The following TIE1 variants were observed in gnomAD, a reference collection of about 807,000 sequenced individuals.
TIE1 encodes the protein tyrosine-protein kinase receptor Tie-1.
In TIE1, 89 loss-of-function variants were observed where a neutral mutation model predicts 130.5. That is an observed-to-expected ratio of 0.68 (90% CI 0.57 to 0.81). TIE1 has a LOEUF of 0.81. TIE1 is among the 40% of genes least tolerant of loss of function. The probability of loss-of-function intolerance (pLI) is 0.00; values close to 1 mark genes in which losing one functional copy is unlikely to be tolerated. For synonymous variants in TIE1, 568 were observed against 629.4 expected (o/e 0.90, Z 1.46); for missense variants, 1,392 against 1,559.8 (o/e 0.89, Z 1.81).
rs1370550075 is a variant in TIE1 at position 43,307,187 on chromosome 1, C to T, written c.686C>T (p.Pro229Leu). The change falls in exon 5 of 23, where the codon CCA becomes CTA. Residue 229 changes from proline to leucine, a missense_variant. By Grantham distance (98) the Pro-to-Leu change is moderately conservative (BLOSUM62 -3). Coordinates refer to ENST00000372476, the MANE Select transcript of TIE1 (RefSeq NM_005424.5). The surrounding 1 kb of genome is among the most constrained non-coding windows in gnomAD (Gnocchi z 5.4). ...RWGPGCTKEC[P>L]GCLHGGVCHD... ...GGGCCAGGCTGTACCAAGGAGTGCC[C>T]AGGTTGCCTACATGGAGGTGTCTGC... 4 of 1,613,982 alleles carry T rather than the reference C, an allele frequency of 2.5e-6. No individual in the cohort carries two copies. Among genetic ancestry groups the T allele is most frequent in the Non-Finnish European group, 3.4e-6 (4 of 1,180,000 alleles).
chr1:43,314,607 C>T (rs1258310750), intron 14 of TIE1: 2 of 948,954 alleles, frequency 2.1e-6, no homozygotes, highest in African/African-American at 3.6e-5. Context: ...GCGGGTGGAT[C>T]GCCTGAGGTC....
Position 43,321,642 on chromosome 1 carries a change from G to A in TIE1, c.3272G>A (p.Arg1091Gln), listed in dbSNP as rs917348935. Reference sequence around the variant, plus strand: ...TACGAGCTGATGCGTCAGTGCTGGCGGGACCGTCCCTATGAGCGACCCCCC... The same window carrying A: ...TACGAGCTGATGCGTCAGTGCTGGCAGGACCGTCCCTATGAGCGACCCCCC... ...EVYELMRQCW[R>Q]DRPYERPPFA... Residue 1091 changes from arginine (R) to glutamine (Q), a missense_variant, in exon 22 of 23, where the codon CGG becomes CAG. Arg to Gln is a conservative substitution (Grantham distance 43). This residue lies in a region of TIE1 where 104 missense variants were observed against 129.3 expected (regional missense o/e 0.80). Coordinates refer to ENST00000372476, the MANE Select transcript of TIE1 (RefSeq NM_005424.5). 5 of 1,553,622 alleles carry A rather than the reference G, an allele frequency of 3.2e-6. No homozygotes were observed. The highest frequency in any genetic ancestry group is 1.2e-5 in the South Asian group (1 of 84,266).
chr1:43,321,332 C>G (rs1167262395), intron 20 of TIE1, 23 bp downstream of exon 20: 1 of 1,614,088 alleles, frequency 6.2e-7, no homozygotes, highest in Non-Finnish European at 8.5e-7. Context: ...TCCCCGTCCC[C>G]CAGAGTGCCC....
rs1646744598 is a variant in TIE1 at position 43,307,684 on chromosome 1, C to T, written c.913+112C>T. On this transcript the variant is annotated intron_variant, in intron 6 of 22. Transcript: ENST00000372476. This position sits in a 1 kb window ranked among gnomAD's most constrained non-coding sequence, Gnocchi z 5.4. The stretch of plus-strand genomic sequence containing the variant: ...CAGCAAGCCCTCCTGCTCACTTGAC[C>T]AGTCCTTCTATCCTCAGCCTGTTGT... The T allele has an allele frequency of 3.8e-6, 6 of 1,599,546 alleles. No homozygotes were observed. Among genetic ancestry groups the T allele is most frequent in the Non-Finnish European group, 5.1e-6 (6 of 1,170,410 alleles).
chr1:43,315,237 C>T lies in TIE1; in HGVS notation c.2409+1269C>T, dbSNP rs1646847961. 1 of 152,238 alleles carries T rather than the reference C, an allele frequency of 6.6e-6. No homozygotes were observed. Among genetic ancestry groups the T allele is most frequent in the Non-Finnish European group, 1.5e-5 (1 of 68,050 alleles). The allele number at this position is 152,238 out of a possible 1,614,324, so 9.4% of individuals were successfully genotyped here. On this transcript the variant is annotated intron_variant, in intron 14 of 22. Coordinates refer to ENST00000372476, the MANE Select transcript of TIE1 (RefSeq NM_005424.5). This position sits in a 1 kb window ranked among gnomAD's most constrained non-coding sequence, Gnocchi z 4.4. ...CTGTCCTTGGCCTTCCAGGCCTGGACTCTTGATATTTAGAGCTAAGCTTTG... is the reference window on the plus strand; with the variant it reads ...CTGTCCTTGGCCTTCCAGGCCTGGATTCTTGATATTTAGAGCTAAGCTTTG...
chr1:43,305,157 G>A lies in TIE1; in HGVS notation c.365G>A (p.Ser122Asn). Residue 122 changes from serine to asparagine, a missense_variant, in exon 2 of 23, where the codon AGC (serine) becomes AAC (asparagine). Physicochemically the swap from Ser to Asn is conservative, Grantham distance 46. Transcript: ENST00000372476. ...RRTRVIYVHNSPGAHLLPDKV... is the reference protein window; with the variant it reads ...RRTRVIYVHNNPGAHLLPDKV... The stretch of plus-strand genomic sequence containing the variant: ...ACGCGCGTCATCTACGTGCACAACA[G>A]CCCTGGAGGTGAGTTAGGCAGGCGG... 1 of 1,614,052 alleles carries A rather than the reference G, an allele frequency of 6.2e-7. No individual in the cohort carries two copies. The highest frequency in any genetic ancestry group is 8.5e-7 in the Non-Finnish European group (1 of 1,179,956).
In TIE1 at chr1:43,315,787, G is replaced by A. The variant is rs895514617; in HGVS notation, c.2410-1412G>A. Among the ~76,000 whole-genome samples, 8 of 152,164 alleles carry A rather than the reference G, an allele frequency of 5.3e-5. No individual in the cohort carries two copies. The highest frequency in any genetic ancestry group is 1.4e-4 in the African/African-American group (6 of 41,430). ...GGGGAGGGTAATGGGTACAGATGTC[G>A]AGGGCAGGAGGTGGGAAAGCAGTCC... On this transcript the variant is annotated intron_variant, in intron 14 of 22. Coordinates refer to ENST00000372476, the MANE Select transcript of TIE1 (RefSeq NM_005424.5). The surrounding 1 kb of genome is among the most constrained non-coding windows in gnomAD (Gnocchi z 4.4).
Position 43,305,006 on chromosome 1 carries a change from ACCCCG to A in TIE1, c.218_222del (p.Pro73ArgfsTer66). On this transcript the variant is annotated frameshift_variant, in exon 2 of 23. Transcript: ENST00000372476. LOFTEE classifies it high-confidence loss of function. ...GGAGAAGGACGACCGTATCGTGCGCACCCCGCCCGGGCCACCCCTGCGCCTGGCGC... is the reference window on the plus strand; with the variant it reads ...GGAGAAGGACGACCGTATCGTGCGCACCCGGGCCACCCCTGCGCCTGGCGC... 1 of 1,540,126 alleles carries A rather than the reference ACCCCG, an allele frequency of 6.5e-7. No homozygotes were observed. The highest frequency in any genetic ancestry group is 8.8e-7 in the Non-Finnish European group (1 of 1,142,560).
Position 43,319,648 on chromosome 1 carries a change from G to GCCTGT in TIE1, c.3107+119_3107+120insCCTGT. ...AAGGCATGACCTGGGCTGTGTTCCAGGTGTGACACAGGTGTGTCTTGGGTA... is the reference window on the plus strand; with the variant it reads ...AAGGCATGACCTGGGCTGTGTTCCAGCCTGTGTGTGACACAGGTGTGTCTTGGGTA... On this transcript the variant is annotated intron_variant, in intron 19 of 22. Transcript: ENST00000372476. This position sits in a 1 kb window ranked among gnomAD's most constrained non-coding sequence, Gnocchi z 4.7. 9.6e-7 allele frequency: 1 copy of GCCTGT among 1,046,300 alleles called. No homozygotes were observed. Among genetic ancestry groups the GCCTGT allele is most frequent in the Non-Finnish European group, 1.5e-6 (1 of 678,632 alleles). 64.8% of individuals were successfully genotyped at this position (1,046,300 alleles called of 1,614,324 possible).
chr1:43,304,344 C>A (rs555257261), intron 1 of TIE1, among the ~76,000 whole-genome samples: 1 of 152,210 alleles, frequency 6.6e-6, no homozygotes, highest in Non-Finnish European at 1.5e-5. Context: ...GAGAGGGGGA[C>A]CCATGGGACA....
At position 43,301,082 on chromosome 1, in the gene TIE1, G is replaced by A. The variant is rs139907784; in HGVS notation, c.11G>A (p.Arg4Gln). ...GTCGGCCTCTGGAGTATGGTCTGGC[G>A]GGTGCCCCCTTTCTTGCTCCCCATC... MVWRVPPFLLPILF... is the reference protein window; with the variant it reads MVWQVPPFLLPILF... Residue 4 changes from arginine to glutamine, a missense_variant, in exon 1 of 23, where the codon CGG (arginine) becomes CAG (glutamine). This residue lies in a region of TIE1 where 415 missense variants were observed against 424.8 expected (regional missense o/e 0.98). Coordinates refer to ENST00000372476, the MANE Select transcript of TIE1 (RefSeq NM_005424.5). 3.3e-5 allele frequency: 54 copies of A among 1,613,796 alleles called. No individual in the cohort carries two copies. Among genetic ancestry groups the A allele is most frequent in the African/African-American group, 3.2e-4 (24 of 74,916 alleles).
chr1:43,309,587 A>T lies in TIE1; in HGVS notation c.1333+55A>T. The T allele has an allele frequency of 6.6e-7, 1 of 1,519,994 alleles. No homozygotes were observed. Among genetic ancestry groups the T allele is most frequent in the Non-Finnish European group, 8.8e-7 (1 of 1,135,232 alleles). The allele number at this position is 1,519,994 out of a possible 1,614,324, so 94.2% of individuals were successfully genotyped here. A position where few individuals can be genotyped will look rare whatever the true frequency, so the allele number is the denominator to read the frequency against. ...GGACGGTGAGCAGAGTAGGCTCTAG[A>T]TGATGCTGCTCAGGCTGGAGATACT... On this transcript the variant is annotated intron_variant, in intron 9 of 22. Transcript: ENST00000372476. This position sits in a 1 kb window ranked among gnomAD's most constrained non-coding sequence, Gnocchi z 6.3.
chr1:43,307,027 G>C lies in TIE1; in HGVS notation c.640+32G>C, dbSNP rs767788553. ...GGCAGAGGGCAGAGGTTGTGGGTAGGGTGGGAGGCTGGGAGCCCTATGGGT... is the reference window on the plus strand; with the variant it reads ...GGCAGAGGGCAGAGGTTGTGGGTAGCGTGGGAGGCTGGGAGCCCTATGGGT... On this transcript the variant is annotated intron_variant, in intron 4 of 22. Coordinates refer to ENST00000372476, the MANE Select transcript of TIE1 (RefSeq NM_005424.5). The surrounding 1 kb of genome is among the most constrained non-coding windows in gnomAD (Gnocchi z 5.4). 5.6e-6 allele frequency: 9 copies of C among 1,613,426 alleles called. No homozygotes were observed. In the Admixed American group the frequency reaches 8.3e-5, roughly 15 times the overall value.
chr1:43,307,990 G>A lies in TIE1; in HGVS notation c.1042+66G>A, dbSNP rs78093190. On this transcript the variant is annotated intron_variant, in intron 7 of 22. Coordinates refer to ENST00000372476, the MANE Select transcript of TIE1 (RefSeq NM_005424.5). This position sits in a 1 kb window ranked among gnomAD's most constrained non-coding sequence, Gnocchi z 5.4. ...CGGCCTTTACCAAACACATCTCCCC[G>A]GTGGAAGAGAGTAGTCCCTCCTTTC... The A allele has an allele frequency of 1.3e-4, 214 of 1,593,590 alleles. 1 individual carries two copies. The East Asian group carries it at 3.7e-3, about 28-fold the overall frequency.
Position 43,309,459 on chromosome 1 carries a change from C to T in TIE1, c.1260C>T (p.Asp420=). 1.2e-6 allele frequency: 2 copies of T among 1,612,228 alleles called. No homozygotes were observed. Among genetic ancestry groups the T allele is most frequent in the Non-Finnish European group, 1.7e-6 (2 of 1,179,212 alleles). Residue 420 remains aspartate (D), a synonymous_variant, in exon 9 of 23, where the codon GAC becomes GAT. Transcript: ENST00000372476. The surrounding 1 kb of genome is among the most constrained non-coding windows in gnomAD (Gnocchi z 6.3). Reference sequence around the variant, plus strand: ...AGGTGCCCCGCTTGGTTCTTGCGGACAGTGGGTTCTGGGAGTGCCGTGTGT... The same window carrying T: ...AGGTGCCCCGCTTGGTTCTTGCGGATAGTGGGTTCTGGGAGTGCCGTGTGT... ...EFEVPRLVLA[D]SGFWECRVST... is the part of the protein sequence containing the mutation.
Position 43,307,416 on chromosome 1 carries a change from C to T in TIE1, c.773-16C>T. The T allele has an allele frequency of 6.2e-7, 1 of 1,613,924 alleles. No individual in the cohort carries two copies. Among genetic ancestry groups the T allele is most frequent in the Non-Finnish European group, 8.5e-7 (1 of 1,179,938 alleles). On this transcript the variant is annotated splice_polypyrimidine_tract_variant and intron_variant, in intron 5 of 22. Transcript: ENST00000372476. The surrounding 1 kb of genome is among the most constrained non-coding windows in gnomAD (Gnocchi z 5.4). Reference sequence around the variant, plus strand: ...GGCCCACAGAGGCCCATACACCCCACACACTCTCTTTCTAGCCTGCAGAGA... The same window carrying T: ...GGCCCACAGAGGCCCATACACCCCATACACTCTCTTTCTAGCCTGCAGAGA...
At position 43,309,496 on chromosome 1, in the gene TIE1, G is replaced by C. The variant is rs767153303; in HGVS notation, c.1297G>C (p.Gly433Arg). 1 of 1,602,838 alleles carries C rather than the reference G, an allele frequency of 6.2e-7. No individual in the cohort carries two copies. Among genetic ancestry groups the C allele is most frequent in the Non-Finnish European group, 8.5e-7 (1 of 1,176,178 alleles). The change falls in exon 9 of 23, where the codon GGC becomes CGC. Residue 433 changes from glycine (G) to arginine (R), a missense_variant. Around this residue, in one of 6 missense-constraint regions of TIE1, gnomAD observed 551 missense variants for 565.5 expected, o/e 0.97. Transcript: ENST00000372476. The surrounding 1 kb of genome is among the most constrained non-coding windows in gnomAD (Gnocchi z 6.3). ...GGAGTGCCGTGTGTCCACATCTGGC[G>C]GCCAAGACAGCCGGCGCTTCAAGGT... ...FWECRVSTSG[G>R]QDSRRFKVNV... is the part of the protein sequence containing the mutation.
chr1:43,322,512 A>C lies in TIE1; in HGVS notation c.3346-139A>C. On this transcript the variant is annotated intron_variant, in intron 22 of 22. Coordinates refer to ENST00000372476, the MANE Select transcript of TIE1 (RefSeq NM_005424.5). The surrounding 1 kb of genome is among the most constrained non-coding windows in gnomAD (Gnocchi z 4.0). ...TCACTGCCCTGGGCTGGTAAAGGCC[A>C]CTCTTGGCCATGGGGCCATCTTAGG... 1.5e-6 allele frequency: 1 copy of C among 666,516 alleles called. No individual in the cohort carries two copies. The highest frequency in any genetic ancestry group is 1.8e-5 in the South Asian group (1 of 54,476). 41.3% of individuals were successfully genotyped at this position (666,516 alleles called of 1,614,324 possible).
intron 9 of TIE1, 102 bp from the exon 10 acceptor site, chr1:43,311,569 C>T (rs1446043213): frequency 1.4e-6 from 2 of 1,462,622 alleles, no homozygotes; most frequent in Non-Finnish European, 1.8e-6. Flanking sequence ...ATCTGTTGAA[C>T]TTGGTGTCCC....
Sources: gnomAD v4.1 joint callset for allele counts (sites outside exome capture counted in the v4.1 genomes callset) on GRCh38, gnomAD v4.1.1 for gene constraint, gnomAD v4.1.1 regional missense constraint, Gnocchi (gnomAD v3.1) non-coding constraint, MANE v1.5 for transcripts, NCBI Gene and HGNC (gene_info 2026-07-23, HGNC 2026-07-21) for gene names.